The following RNF213 variants were observed in gnomAD, a reference collection of about 807,000 sequenced individuals.
RNF213 encodes the protein ring finger protein 213.
RNF213 carries 341 observed loss-of-function variants against 514.4 expected under a neutral mutation model. The observed-to-expected ratio is 0.66, with a 90% CI of 0.61 to 0.73. RNF213 has a LOEUF of 0.73. RNF213 is among the 30% of genes least tolerant of loss of function. The pLI, the probability that RNF213 is intolerant of heterozygous loss-of-function variation, is 0.00. For synonymous variants in RNF213, 2,655 were observed against 2,658.2 expected (o/e 1.00, Z 0.04); for missense variants, 5,767 against 6,615.6 (o/e 0.87, Z 4.45).
intron 21 of RNF213, chr17:80,333,745 A>AC (rs914638257): frequency 4.9e-6 from 1 of 202,356 alleles, no homozygotes; most frequent in African/African-American, 2.3e-5. Flanking sequence ...TTACACTTGA[A>AC]CCCTAGTGCA....
At chr17:80,375,429 G>A (rs773534519) in intron 50 of RNF213, among the ~76,000 whole-genome samples, 3 of 152,148 alleles carry the variant, frequency 2.0e-5, no homozygotes, top group South Asian at 2.1e-4. Context: ...GCAGCGGTGC[G>A]GGGGCGTCTA....
intron 11 of RNF213, among the ~76,000 whole-genome samples, chr17:80,302,360 A>G (rs1213463727): frequency 3.3e-5 from 5 of 152,364 alleles, no homozygotes; most frequent in East Asian, 3.9e-4. Context: ...CACTGTATGC[A>G]TATATATTGT....
At position 80,367,955 on chromosome 17, in the gene RNF213, T is replaced by G. The variant is rs751755717; in HGVS notation, c.11973-6T>G. ...TTCAGAACTGATTGCCCTTCTTGGATTCTAGGTTTGGGATTCAGCCGTGCT... is the reference window on the plus strand; with the variant it reads ...TTCAGAACTGATTGCCCTTCTTGGAGTCTAGGTTTGGGATTCAGCCGTGCT... On this transcript the variant is annotated splice_polypyrimidine_tract_variant and splice_region_variant and intron_variant, in intron 43 of 67. Transcript: ENST00000582970. 8 of 1,614,126 alleles carry G rather than the reference T, an allele frequency of 5.0e-6. No individual in the cohort carries two copies. The African/African-American group carries it at 1.1e-4, about 22-fold the overall frequency.
intron 2 of RNF213, among the ~76,000 whole-genome samples, chr17:80,269,538 CATTCATCT>C (rs965080438): frequency 6.6e-6 from 1 of 151,180 alleles, no homozygotes; most frequent in Non-Finnish European, 1.5e-5. Flanking sequence ...TCTATTCATC[CATTCATCT>C]ATCCATCTAT....
chr17:80,340,455 C>A, intron 26 of RNF213, 99 bp downstream of exon 26: 4 of 1,205,820 alleles, frequency 3.3e-6, no homozygotes, highest in Non-Finnish European at 4.7e-6. Flanking sequence ...GTGGAGAAAC[C>A]GAGGCTCAGG....
rs2079821081 is a variant in RNF213 at position 80,377,789 on chromosome 17, T to C, written c.13538T>C (p.Val4513Ala). The C allele has an allele frequency of 1.2e-6, 2 of 1,614,064 alleles. No homozygotes were observed. Among genetic ancestry groups the C allele is most frequent in the Non-Finnish European group, 1.7e-6 (2 of 1,179,990 alleles). ...TGTCCCAACGGCCATCCTTGCTCCG[T>C]GGGAGAGGTGAGTCTTGGTATTTAA... The part of the protein sequence containing the change: ...YTCPNGHPCS[V>A]GECGRPMEQS... The change falls in exon 54 of 68, where the codon GTG becomes GCG. Residue 4513 changes from valine to alanine, a missense_variant. Coordinates refer to ENST00000582970, the MANE Select transcript of RNF213 (RefSeq NM_001256071.3). The surrounding 1 kb of genome is among the most constrained non-coding windows in gnomAD (Gnocchi z 4.1).
chr17:80,365,543 A>C (rs1237975086), intron 42 of RNF213, among the ~76,000 whole-genome samples: 4 of 125,416 alleles, frequency 3.2e-5, no homozygotes, highest in Non-Finnish European at 6.5e-5. Flanking sequence ...GTTTTCCTTA[A>C]GAGCCCAATC....
chr17:80,368,234 T>A (rs758274742), intron 44 of RNF213, 91 bp downstream of exon 44: 13 of 1,414,060 alleles, frequency 9.2e-6, no homozygotes, highest in Non-Finnish European at 1.3e-5. Flanking sequence ...TCTATTAACC[T>A]TCATTTGGTA....
intron 13 of RNF213, among the ~76,000 whole-genome samples, chr17:80,307,843 C>T (rs1003905405): frequency 2.7e-5 from 4 of 145,964 alleles, no homozygotes; most frequent in African/African-American, 7.9e-5. Flanking sequence ...AGCCACCATG[C>T]CTGGCCGTCT....
Position 80,319,705 on chromosome 17 carries a change from G to T in RNF213, c.3024+393G>T, listed in dbSNP as rs1027080097. The stretch of plus-strand genomic sequence containing the variant: ...CTCCAAAGGTTGACAGAACATTTAT[G>T]GAAGCAAAATATGTGAAATGGAAAA... On this transcript the variant is annotated intron_variant, in intron 17 of 67. Transcript: ENST00000582970. 7 of 1,425,502 alleles carry T rather than the reference G, an allele frequency of 4.9e-6. No homozygotes were observed. In the African/African-American group the frequency reaches 1.0e-4, roughly 21 times the overall value. The allele number at this position is 1,425,502 out of a possible 1,614,324, so 88.3% of individuals were successfully genotyped here.
rs762168202 is a variant in RNF213 at position 80,372,893 on chromosome 17, G to A, written c.12752-82G>A. ...TCTGTGAATGCCTGTGGGTAGGTCC[G>A]ATGCCCTCTGGTTGGCCTTGTGTCC... On this transcript the variant is annotated intron_variant, in intron 48 of 67. Coordinates refer to ENST00000582970, the MANE Select transcript of RNF213 (RefSeq NM_001256071.3). The A allele has an allele frequency of 6.8e-6, 10 of 1,462,938 alleles. No homozygotes were observed. In the Middle Eastern group the frequency reaches 5.2e-4, roughly 75 times the overall value. 90.6% of individuals were successfully genotyped at this position (1,462,938 alleles called of 1,614,324 possible). A position where few individuals can be genotyped will look rare whatever the true frequency, so the allele number is the denominator to read the frequency against.
At chr17:80,297,659 C>T (rs180826668) in intron 10 of RNF213, among the ~76,000 whole-genome samples, 154 of 146,862 alleles carry the variant, frequency 1.0e-3, no homozygotes, top group African/African-American at 3.6e-3. Flanking sequence ...TGGTGGCGGG[C>T]ACCTGTAGTC....
intron 3 of RNF213, among the ~76,000 whole-genome samples, chr17:80,280,011 A>G (rs1472502722): frequency 1.3e-5 from 2 of 152,170 alleles, no homozygotes; most frequent in African/African-American, 2.4e-5. Context: ...TCATGTGTTC[A>G]TTGAACGGAG....
At chr17:80,390,852 C>T (rs2080439031) in intron 67 of RNF213, among the ~76,000 whole-genome samples, 1 of 151,820 alleles carries the variant, frequency 6.6e-6, no homozygotes, top group Non-Finnish European at 1.5e-5. Flanking sequence ...CACCTGAGGT[C>T]AGGAGTTCAA....
At position 80,345,675 on chromosome 17, in the gene RNF213, A is replaced by G; in HGVS notation, c.7340A>G (p.Lys2447Arg). 1 of 1,614,254 alleles carries G rather than the reference A, an allele frequency of 6.2e-7. No individual in the cohort carries two copies. Among genetic ancestry groups the G allele is most frequent in the Non-Finnish European group, 8.5e-7 (1 of 1,180,044 alleles). ...GGTGGTACCAATGCTGACACCATAA[A>G]GCTGGTCAAGGTGCACGGAGGAACA... Reference protein sequence around the residue: ...RRGGTNADTIKLVKVHGGTTA... With the variant: ...RRGGTNADTIRLVKVHGGTTA... The change falls in exon 29 of 68, where the codon AAG becomes AGG. Residue 2447 changes from lysine to arginine, a missense_variant. By Grantham distance (26) the Lys-to-Arg change is conservative. This residue lies in a region of RNF213 where 1,377 missense variants were observed against 1,635.2 expected (regional missense o/e 0.84). Coordinates refer to ENST00000582970, the MANE Select transcript of RNF213 (RefSeq NM_001256071.3). This position sits in a 1 kb window ranked among gnomAD's most constrained non-coding sequence, Gnocchi z 6.0.
chr17:80,374,492 G>A lies in RNF213; in HGVS notation c.12977G>A (p.Arg4326Lys). The A allele has an allele frequency of 5.6e-6, 9 of 1,614,192 alleles. No homozygotes were observed. Among genetic ancestry groups the A allele is most frequent in the Non-Finnish European group, 7.6e-6 (9 of 1,180,032 alleles). The change falls in exon 50 of 68, where the codon AGG becomes AAG. Residue 4326 changes from arginine (R) to lysine (K), a missense_variant. This residue lies in a region of RNF213 where 1,245 missense variants were observed against 1,339.0 expected (regional missense o/e 0.93). Transcript: ENST00000582970. ...CAGGACCACCCAGGCCAGATGGATA[G>A]GTACCTGGTGTACGGCGATGAATAC... ...LRQDHPGQMD[R>K]YLVYGDEYKA...
At position 80,353,578 on chromosome 17, in the gene RNF213, G is replaced by A; in HGVS notation, c.10490G>A (p.Gly3497Glu). The change falls in exon 34 of 68, where the codon GGG becomes GAG. Residue 3497 changes from glycine to glutamate, a missense_variant. Coordinates refer to ENST00000582970, the MANE Select transcript of RNF213 (RefSeq NM_001256071.3). The surrounding 1 kb of genome is among the most constrained non-coding windows in gnomAD (Gnocchi z 5.0). ...EAMETEASTS[G>E]EVAEVAEEAM... ...ATGGAGACGGAGGCCAGCACATCAG[G>A]GGAGGTGGCAGAGGTGGCAGAGGAG... is the stretch of plus-strand genomic sequence containing the variant. 1 of 1,614,060 alleles carries A rather than the reference G, an allele frequency of 6.2e-7. No individual in the cohort carries two copies. Among genetic ancestry groups the A allele is most frequent in the Non-Finnish European group, 8.5e-7 (1 of 1,179,916 alleles).
intron 38 of RNF213, among the ~76,000 whole-genome samples, 175 bp from the exon 39 acceptor site, chr17:80,361,559 T>C (rs980992056): frequency 6.6e-6 from 1 of 152,176 alleles, no homozygotes; most frequent in Non-Finnish European, 1.5e-5. Flanking sequence ...CCTAAATGTC[T>C]AGACAGTGAC....
At chr17:80,295,462 G>T in intron 9 of RNF213, 95 bp from the exon 10 acceptor site, 4 of 1,507,606 alleles carry the variant, frequency 2.7e-6, no homozygotes, top group Non-Finnish European at 2.7e-6. Context: ...CACGGATGGG[G>T]TCTGCTGCCC....
Sources: gnomAD v4.1 joint callset for allele counts (sites outside exome capture counted in the v4.1 genomes callset) on GRCh38, gnomAD v4.1.1 for gene constraint, gnomAD v4.1.1 regional missense constraint, Gnocchi (gnomAD v3.1) non-coding constraint, MANE v1.5 for transcripts, NCBI Gene and HGNC (gene_info 2026-07-23, HGNC 2026-07-21) for gene names.